Variants in TOM1L2 observed in about 807,000 individuals in gnomAD.
TOM1L2 encodes the protein target of myb1 like 2 membrane trafficking protein.
In TOM1L2, 31 loss-of-function variants were observed where a neutral mutation model predicts 67.9. That is an observed-to-expected ratio of 0.46 (90% CI 0.34 to 0.62). The LOEUF is 0.62. TOM1L2 is among the 20% of genes least tolerant of loss of function. The pLI is 0.01. For synonymous variants in TOM1L2, 256 were observed against 254.0 expected (o/e 1.01, Z -0.07); for missense variants, 606 against 663.5 (o/e 0.91, Z 0.95).
At position 17,868,584 on chromosome 17, in the gene TOM1L2, CT is replaced by C. The variant is rs201178500; in HGVS notation, c.911+755del. Among the ~76,000 whole-genome samples, 1,215 of 152,302 alleles carry C rather than the reference CT, an allele frequency of 8.0e-3. 12 individuals are homozygous for C. The highest frequency in any genetic ancestry group is 0.028 in the African/African-American group (1,181 of 41,556). On this transcript the variant is annotated intron_variant, in intron 8 of 14. Transcript: ENST00000379504. Reference sequence around the variant, plus strand: ...GGCCTGATCATGGTCCTTTCTGGTCCTTATGCTGAGTCCTTCATGAAAGCCC... The same window carrying C: ...GGCCTGATCATGGTCCTTTCTGGTCCTATGCTGAGTCCTTCATGAAAGCCC...
chr17:17,956,770 G>A (rs1025054007), intron 1 of TOM1L2, among the ~76,000 whole-genome samples: 2 of 152,198 alleles, frequency 1.3e-5, no homozygotes, highest in African/African-American at 4.8e-5. Flanking sequence ...CTGCGGTGCT[G>A]GGCCCGCTGA....
chr17:17,864,603 C>T (rs966643007), intron 10 of TOM1L2, among the ~76,000 whole-genome samples: 3 of 152,052 alleles, frequency 2.0e-5, no homozygotes, highest in Non-Finnish European at 2.9e-5. Context: ...CCTCCGCCTC[C>T]CGGGTTCAAG....
chr17:17,848,956 G>T, intron 13 of TOM1L2, 97 bp from the exon 14 acceptor site: 1 of 1,174,058 alleles, frequency 8.5e-7, no homozygotes. Context: ...GGACAGCACT[G>T]CCCAGGGTAG....
intron 1 of TOM1L2, among the ~76,000 whole-genome samples, chr17:17,930,203 C>T (rs2040268688): frequency 6.6e-6 from 1 of 152,172 alleles, no homozygotes; most frequent in Non-Finnish European, 1.5e-5. Flanking sequence ...ACTCATTATG[C>T]AGTCATTTTA....
At chr17:17,901,420 C>T (rs1598298304) in intron 2 of TOM1L2, among the ~76,000 whole-genome samples, 1 of 152,196 alleles carries the variant, frequency 6.6e-6, no homozygotes, top group East Asian at 1.9e-4. Flanking sequence ...GCAGTGCTCA[C>T]AGCCTCGTGA....
At chr17:17,908,828 C>T (rs1269225470) in intron 1 of TOM1L2, among the ~76,000 whole-genome samples, 1 of 152,142 alleles carries the variant, frequency 6.6e-6, no homozygotes, top group Non-Finnish European at 1.5e-5. Flanking sequence ...AACCCCTTTA[C>T]ACTTTTGATG....
At chr17:17,912,863 G>A (rs551389835) in intron 1 of TOM1L2, among the ~76,000 whole-genome samples, 10 of 152,258 alleles carry the variant, frequency 6.6e-5, no homozygotes, top group South Asian at 2.1e-4. Context: ...GTAGCGAGCC[G>A]AGATCATGCC....
chr17:17,933,408 A>C (rs1217493597), intron 1 of TOM1L2, among the ~76,000 whole-genome samples: 1 of 152,236 alleles, frequency 6.6e-6, no homozygotes, highest in Non-Finnish European at 1.5e-5. Flanking sequence ...GCACATAGGC[A>C]ATCCAAACAA....
intron 6 of TOM1L2, among the ~76,000 whole-genome samples, chr17:17,880,773 C>T (rs1428070821): frequency 3.3e-5 from 5 of 152,292 alleles, no homozygotes; most frequent in Non-Finnish European, 4.4e-5. Context: ...GTTTCCCATG[C>T]GGCGCCTGGC....
In TOM1L2 at chr17:17,952,545, C is replaced by A. The variant is rs189763684; in HGVS notation, c.52+19717G>T. 3.5e-3 allele frequency among the ~76,000 whole-genome samples: 535 copies of A among 151,764 alleles called. 2 individuals carry two copies. Among genetic ancestry groups the A allele is most frequent in the African/African-American group, 0.012 (508 of 41,404 alleles). On this transcript the variant is annotated intron_variant, in intron 1 of 14. Coordinates refer to ENST00000379504, the MANE Select transcript of TOM1L2 (RefSeq NM_001082968.2). ...GAGCTGGGACCACAGGTGCGTGCTG[C>A]CACGCCTGGCTAAGTTTTTAAATAT... is the stretch of plus-strand genomic sequence containing the variant.
chr17:17,928,152 G>C (rs1336589047), intron 1 of TOM1L2, among the ~76,000 whole-genome samples: 1 of 107,688 alleles, frequency 9.3e-6, no homozygotes, highest in African/African-American at 4.4e-5. Flanking sequence ...GAAATTTTCT[G>C]TAACAACAAA....
rs1185092841 is a variant in TOM1L2 at position 17,898,589 on chromosome 17, C to T, written c.216+7G>A. The T allele has an allele frequency of 1.5e-5, 25 of 1,614,064 alleles. No individual in the cohort carries two copies. The highest frequency in any genetic ancestry group is 2.0e-5 in the Non-Finnish European group (24 of 1,180,010). ...TGACTTCTCTCCTCAAGGAGAATAG[C>T]ACTCACTGTTAATGCCAGCATCACC... On this transcript the variant is annotated splice_region_variant and intron_variant, in intron 3 of 14. Coordinates refer to ENST00000379504, the MANE Select transcript of TOM1L2 (RefSeq NM_001082968.2).
intron 7 of TOM1L2, 91 bp downstream of exon 7, chr17:17,879,536 C>T: frequency 9.8e-7 from 1 of 1,018,374 alleles, no homozygotes; most frequent in Non-Finnish European, 1.5e-6. Context: ...ACCTGTCCCG[C>T]CTTGCCGCTG....
intron 7 of TOM1L2, among the ~76,000 whole-genome samples, chr17:17,874,162 G>C (rs2037303478): frequency 6.6e-6 from 1 of 151,966 alleles, no homozygotes; most frequent in African/African-American, 2.4e-5. Context: ...TACCATGTTA[G>C]TCAGGATGGT....
intron 10 of TOM1L2, among the ~76,000 whole-genome samples, chr17:17,863,945 C>T (rs977212065): frequency 6.6e-6 from 1 of 152,166 alleles, no homozygotes; most frequent in African/African-American, 2.4e-5. Context: ...CAGCTCACTG[C>T]AGCCTCAACC....
At chr17:17,954,270 T>A (rs183634824) in intron 1 of TOM1L2, among the ~76,000 whole-genome samples, 67 of 151,502 alleles carry the variant, frequency 4.4e-4, no homozygotes, top group Admixed American at 6.6e-4. Context: ...AGAAGCCCAG[T>A]CAGTGAAGGC....
intron 1 of TOM1L2, among the ~76,000 whole-genome samples, chr17:17,929,555 C>T (rs1043771555): frequency 2.0e-5 from 3 of 152,166 alleles, no homozygotes; most frequent in East Asian, 3.9e-4. Flanking sequence ...CGCTTGAACC[C>T]GGGAAGCGGA....
At position 17,846,838 on chromosome 17, in the gene TOM1L2, C is replaced by T. The variant is rs1224395501; in HGVS notation, c.*797G>A. On this transcript the variant is annotated 3_prime_UTR_variant, in exon 15 of 15. Coordinates refer to ENST00000379504, the MANE Select transcript of TOM1L2 (RefSeq NM_001082968.2). ...CAGGACCAGGTGTGCGGGTGTGAGCCTGCAGTGTGTGCGTGGCAGTTTGGT... is the reference window on the plus strand; with the variant it reads ...CAGGACCAGGTGTGCGGGTGTGAGCTTGCAGTGTGTGCGTGGCAGTTTGGT... The T allele has an allele frequency of 2.6e-5, 4 of 152,552 alleles. No homozygotes were observed. Among genetic ancestry groups the T allele is most frequent in the Non-Finnish European group, 2.9e-5 (2 of 68,256 alleles). The allele number at this position is 152,552 out of a possible 1,614,324, so 9.4% of individuals were successfully genotyped here.
Position 17,972,376 on chromosome 17 carries a change from C to T in TOM1L2, c.-63G>A. Reference sequence around the variant, plus strand: ...CTGCCACCTAGGCCTCCGCTGTAACCCGCCGGACTCCCGTCCTGACTGACA... The same window carrying T: ...CTGCCACCTAGGCCTCCGCTGTAACTCGCCGGACTCCCGTCCTGACTGACA... On this transcript the variant is annotated 5_prime_UTR_variant, in exon 1 of 15. Transcript: ENST00000379504. The T allele has an allele frequency of 1.3e-6, 2 of 1,545,224 alleles. No homozygotes were observed. Among genetic ancestry groups the T allele is most frequent in the Non-Finnish European group, 1.7e-6 (2 of 1,143,976 alleles).
Sources: gnomAD v4.1 joint callset for allele counts (sites outside exome capture counted in the v4.1 genomes callset) on GRCh38, gnomAD v4.1.1 for gene constraint, MANE v1.5 for transcripts, NCBI Gene and HGNC (gene_info 2026-07-23, HGNC 2026-07-21) for gene names.